Variants in SS18 observed in about 807,000 individuals in gnomAD.
SS18 encodes SS18 subunit of BAF chromatin remodeling complex.
SS18 carries 28 observed loss-of-function variants against 72.5 expected under a neutral mutation model. That is an observed-to-expected ratio of 0.39 (90% CI 0.29 to 0.53). The LOEUF is 0.53. Among genes scored for constraint, SS18 ranks in the 20% least tolerant of loss-of-function variants. The pLI is 0.76. For synonymous variants in SS18, 172 were observed against 164.2 expected (o/e 1.05, Z -0.37); for missense variants, 518 against 535.3 (o/e 0.97, Z 0.32).
At chr18:26,041,772 T>C (rs992157584) in intron 5 of SS18, among the ~76,000 whole-genome samples, 1 of 151,636 alleles carries the variant, frequency 6.6e-6, no homozygotes, top group African/African-American at 2.4e-5. Flanking sequence ...AAAAGATACA[T>C]AACAAAACAC....
intron 10 of SS18, among the ~76,000 whole-genome samples, chr18:26,027,021 A>G (rs929200355): frequency 3.2e-4 from 49 of 152,272 alleles, no homozygotes; most frequent in Admixed American, 9.2e-4. Context: ...GTTCTCCCCA[A>G]ATTAATCTAT....
chr18:26,035,215 AG>A lies in SS18; in HGVS notation c.974-89del. 7.1e-7 allele frequency: 1 copy of A among 1,400,754 alleles called. No homozygotes were observed. The highest frequency in any genetic ancestry group is 1.4e-5 in the South Asian group (1 of 69,974). 86.8% of individuals were successfully genotyped at this position (1,400,754 alleles called of 1,614,324 possible). On this transcript the variant is annotated intron_variant, in intron 8 of 10. Coordinates refer to ENST00000415083, the MANE Select transcript of SS18 (RefSeq NM_001007559.3). This position sits in a 1 kb window ranked among gnomAD's most constrained non-coding sequence, Gnocchi z 4.4. ...TCTAAGATGCATAGCCAACAACACA[AG>A]AACAAAATGAAATGCCATATTGATT... is the stretch of plus-strand genomic sequence containing the variant.
At chr18:26,068,355 G>A (rs1845603205) in intron 3 of SS18, 1 of 152,024 alleles carries the variant, frequency 6.6e-6, no homozygotes, top group African/African-American at 2.4e-5. Flanking sequence ...TATTTATATT[G>A]GCTTTTATTG....
intron 9 of SS18, 98 bp from the exon 10 acceptor site, chr18:26,032,630 T>G: frequency 7.3e-7 from 1 of 1,362,488 alleles, no homozygotes; most frequent in Non-Finnish European, 9.8e-7. Flanking sequence ...TATTTTTCTA[T>G]CTAAGCTAAA....
At chr18:26,076,298 T>C (rs899027891) in intron 3 of SS18, among the ~76,000 whole-genome samples, 3 of 147,064 alleles carry the variant, frequency 2.0e-5, no homozygotes, top group African/African-American at 7.4e-5. Context: ...TAAGATTAAG[T>C]ATAACAAGAG....
upstream of SS18, chr18:26,090,662 C>G: frequency 7.6e-7 from 1 of 1,307,776 alleles, no homozygotes; most frequent in Non-Finnish European, 1.1e-6. Flanking sequence ...TGAACCACCT[C>G]GGGAATGCGG....
chr18:26,024,772 G>T, intron 10 of SS18, among the ~76,000 whole-genome samples: 1 of 151,970 alleles, frequency 6.6e-6, no homozygotes. Flanking sequence ...ACAAAAACCA[G>T]ATGTGACAAA....
In SS18 at chr18:26,035,027, G is replaced by A; in HGVS notation, c.1074C>T (p.Tyr358=). Residue 358 remains tyrosine, a synonymous_variant, in exon 9 of 11, where the codon TAC becomes TAT. Coordinates refer to ENST00000415083, the MANE Select transcript of SS18 (RefSeq NM_001007559.3). This position sits in a 1 kb window ranked among gnomAD's most constrained non-coding sequence, Gnocchi z 4.4. ...TACCGTAGCCCTGCTGCTGTCCTGGGTAACCTTGCTGCCCTGGGTACTGCT... is the reference window on the plus strand; with the variant it reads ...TACCGTAGCCCTGCTGCTGTCCTGGATAACCTTGCTGCCCTGGGTACTGCT... ...QQQQYPGQQG[Y]PGQQQGYGPS... is the part of the protein sequence containing the mutation. 1 of 1,613,346 alleles carries A rather than the reference G, an allele frequency of 6.2e-7. No individual in the cohort carries two copies. Among genetic ancestry groups the A allele is most frequent in the Non-Finnish European group, 8.5e-7 (1 of 1,179,556 alleles).
upstream of SS18, chr18:26,090,944 T>C (rs963404555): frequency 1.5e-4 from 44 of 295,304 alleles, no homozygotes; most frequent in East Asian, 2.4e-4. Flanking sequence ...GGGCAGCCCC[T>C]GTCACAGGAA....
At chr18:26,073,439 G>A (rs954094625) in intron 3 of SS18, among the ~76,000 whole-genome samples, 6 of 152,124 alleles carry the variant, frequency 3.9e-5, no homozygotes, top group African/African-American at 1.4e-4. Flanking sequence ...AAATCATAAA[G>A]ATCAGAAATT....
At chr18:26,032,562 C>T in intron 9 of SS18, 30 bp from the exon 10 acceptor site, 1 of 1,609,426 alleles carries the variant, frequency 6.2e-7, no homozygotes, top group Non-Finnish European at 8.5e-7. Context: ...CAAAAACCCA[C>T]ATAAAAAGGT....
At chr18:26,024,156 G>A (rs1008394063) in intron 10 of SS18, among the ~76,000 whole-genome samples, 5 of 152,194 alleles carry the variant, frequency 3.3e-5, no homozygotes, top group Non-Finnish European at 5.9e-5. Context: ...TATAGAGATA[G>A]AAAGTAAACT....
chr18:26,032,326 T>C, intron 10 of SS18, 73 bp downstream of exon 10: 1 of 1,556,934 alleles, frequency 6.4e-7, no homozygotes, highest in Non-Finnish European at 8.7e-7. Context: ...GTTAAATAAA[T>C]TTTAAAAAAA....
chr18:26,056,049 G>T (rs762793560), intron 4 of SS18, among the ~76,000 whole-genome samples: 1 of 152,108 alleles, frequency 6.6e-6, no homozygotes, highest in Non-Finnish European at 1.5e-5. Context: ...GAGCCACCGC[G>T]CCTGGCCTGG....
intron 10 of SS18, among the ~76,000 whole-genome samples, chr18:26,027,266 A>T (rs2053461216): frequency 6.6e-6 from 1 of 152,230 alleles, no homozygotes; most frequent in Admixed American, 6.5e-5. Context: ...ACATAAACAG[A>T]TCAATGGAAC....
intron 5 of SS18, among the ~76,000 whole-genome samples, chr18:26,046,530 T>C (rs2053826794): frequency 6.6e-6 from 1 of 152,236 alleles, no homozygotes; most frequent in Non-Finnish European, 1.5e-5. Flanking sequence ...ACTTCTCTCA[T>C]TTGTATCAAT....
chr18:26,039,239 T>C (rs1424711721), intron 6 of SS18, 50 bp downstream of exon 6: 2 of 1,393,932 alleles, frequency 1.4e-6, no homozygotes, highest in South Asian at 1.4e-5. Flanking sequence ...CATTAAAATT[T>C]AAAGCCTTTC....
At chr18:26,090,720 T>C (rs1176036011), upstream of SS18, 8 of 756,740 alleles carry the variant, frequency 1.1e-5, no homozygotes, top group Admixed American at 1.2e-4. Context: ...GGGGCAGGCC[T>C]GAAGGAGGCA....
At chr18:26,077,953 T>C in intron 3 of SS18, 123 bp downstream of exon 3, 4 of 592,320 alleles carry the variant, frequency 6.8e-6, no homozygotes, top group Non-Finnish European at 1.1e-5. Context: ...CATAGAATAC[T>C]TTCATGTTCT....
Sources: gnomAD v4.1 joint callset for allele counts (sites outside exome capture counted in the v4.1 genomes callset) on GRCh38, gnomAD v4.1.1 for gene constraint, Gnocchi (gnomAD v3.1) non-coding constraint, MANE v1.5 for transcripts, NCBI Gene and HGNC (gene_info 2026-07-23, HGNC 2026-07-21) for gene names.